The following DPP10 variants were observed in gnomAD, a reference collection of about 807,000 sequenced individuals.
DPP10 encodes inactive dipeptidyl peptidase 10.
Under a neutral mutation model 120.9 loss-of-function variants are expected in DPP10, and 33 were observed. That is an observed-to-expected ratio of 0.27 (90% confidence interval 0.21 to 0.37). DPP10 has a LOEUF of 0.37. DPP10 is among the 10% of genes least tolerant of loss of function. The pLI is 1.00. For missense variants in DPP10, 816 were observed against 942.8 expected, an observed-to-expected ratio of 0.87 and a Z score of 1.76; for synonymous variants, 337 against 326.1, an observed-to-expected ratio of 1.03 and a Z score of -0.36.
chr2:114,560,205 T>G (rs1367263994), intron 1 of DPP10, among the ~76,000 whole-genome samples: 6 of 152,186 alleles, frequency 3.9e-5, no homozygotes. Flanking sequence ...AACCATGGAC[T>G]GCCCTGTGGG....
At chr2:114,763,048 G>A (rs1223600002) in intron 1 of DPP10, among the ~76,000 whole-genome samples, 2 of 152,164 alleles carry the variant, frequency 1.3e-5, no homozygotes, top group Non-Finnish European at 2.9e-5. Flanking sequence ...GTCCTCAGAT[G>A]AGACTTTCTA....
intron 1 of DPP10, among the ~76,000 whole-genome samples, chr2:115,134,144 T>C (rs1303763776): frequency 6.6e-6 from 1 of 152,200 alleles, no homozygotes; most frequent in Admixed American, 6.5e-5. Flanking sequence ...AGGAAAAAGA[T>C]CTTTTATGAG....
intron 3 of DPP10, among the ~76,000 whole-genome samples, chr2:115,422,887 T>A (rs2070108907): frequency 6.6e-6 from 1 of 152,134 alleles, no homozygotes; most frequent in Non-Finnish European, 1.5e-5. Context: ...GATTTCATTT[T>A]ATCCCTCAGT....
At chr2:114,829,009 C>A (rs1054402835) in intron 1 of DPP10, 3 of 152,152 alleles carry the variant, frequency 2.0e-5, no homozygotes, top group East Asian at 1.9e-4. Context: ...AGTTACTAGG[C>A]CAGGTGCGGT....
At chr2:115,647,820 T>C (rs2087401233) in intron 5 of DPP10, among the ~76,000 whole-genome samples, 1 of 152,070 alleles carries the variant, frequency 6.6e-6, no homozygotes, top group Non-Finnish European at 1.5e-5. Context: ...CTTAATTCCA[T>C]TCATGAGGCA....
intron 1 of DPP10, chr2:115,066,702 A>G (rs1706870263): frequency 6.6e-6 from 1 of 152,336 alleles, no homozygotes; most frequent in Middle Eastern, 3.4e-3. Flanking sequence ...ATTAGGCATT[A>G]AAAGGATGAA....
chr2:115,467,370 G>C (rs1204549895), intron 3 of DPP10, among the ~76,000 whole-genome samples: 1 of 151,902 alleles, frequency 6.6e-6, no homozygotes, highest in Non-Finnish European at 1.5e-5. Flanking sequence ...GACCAGCCTG[G>C]TCAAGAGACC....
intron 1 of DPP10, among the ~76,000 whole-genome samples, chr2:114,813,068 C>A (rs2106328657): frequency 6.6e-6 from 1 of 152,290 alleles, no homozygotes; most frequent in East Asian, 1.9e-4. Flanking sequence ...ATACAGGAAG[C>A]TCCTCATCTT....
chr2:114,486,700 C>T (rs1681548381), intron 1 of DPP10, among the ~76,000 whole-genome samples: 2 of 151,886 alleles, frequency 1.3e-5, no homozygotes, highest in Admixed American at 6.6e-5. Flanking sequence ...TTTTTCTTTT[C>T]AGTGAAACTA....
At chr2:115,555,110 G>T (rs2080124791) in intron 5 of DPP10, among the ~76,000 whole-genome samples, 1 of 151,880 alleles carries the variant, frequency 6.6e-6, no homozygotes. Context: ...CTCTTACTTT[G>T]GTATCTGATG....
At position 114,642,433 on chromosome 2, in the gene DPP10, T is replaced by A. The variant is rs142632438; in HGVS notation, c.60+199595T>A. ...TTTCTCTAGAGTGCACTACCCCCAA[T>A]GAGTTGACAAAATTAAACAAAAACT... On this transcript the variant is annotated intron_variant, in intron 1 of 25. Transcript: ENST00000410059. Among the ~76,000 whole-genome samples, 649 of 152,016 alleles carry A rather than the reference T, an allele frequency of 4.3e-3. 22 individuals carry two copies. The highest frequency in any genetic ancestry group is 0.015 in the African/African-American group (617 of 41,282).
At chr2:114,834,263 A>ATCTACACACCTATGTTTATGTAAGCCATG (rs1558790101) in intron 1 of DPP10, among the ~76,000 whole-genome samples, 1,084 of 105,680 alleles carry the variant, frequency 0.01, 11 homozygotes, top group Middle Eastern at 0.018. Context: ...TATAAGACAT[A>ATCTACACACCTATGTTTATGTAAGCCATG]TCTACACACC....
At chr2:115,325,059 C>A (rs886535352) in intron 2 of DPP10, among the ~76,000 whole-genome samples, 2 of 151,812 alleles carry the variant, frequency 1.3e-5, no homozygotes, top group East Asian at 3.9e-4. Flanking sequence ...GATCACAGAT[C>A]ACCGTAACAG....
intron 1 of DPP10, among the ~76,000 whole-genome samples, chr2:114,965,230 G>A (rs1207804548): frequency 6.6e-6 from 1 of 151,972 alleles, no homozygotes; most frequent in Admixed American, 6.6e-5. Context: ...TCTGCCTCCC[G>A]GGTTCAAGTG....
intron 1 of DPP10, among the ~76,000 whole-genome samples, chr2:114,796,989 T>C (rs1241750108): frequency 1.3e-5 from 2 of 152,146 alleles, no homozygotes; most frequent in Non-Finnish European, 2.9e-5. Context: ...AGAACTCTAC[T>C]TGAAGAGCTA....
intron 1 of DPP10, among the ~76,000 whole-genome samples, chr2:115,109,705 T>C (rs1573646943): frequency 6.6e-6 from 1 of 152,310 alleles, no homozygotes; most frequent in African/African-American, 2.4e-5. Context: ...TGGCTCTCAA[T>C]TGGAGGTGAT....
At chr2:114,468,432 A>G (rs564930047) in intron 1 of DPP10, among the ~76,000 whole-genome samples, 1 of 151,538 alleles carries the variant, frequency 6.6e-6, no homozygotes, top group Admixed American at 6.6e-5. Context: ...TTACAGGATA[A>G]AAGATGAAAG....
chr2:115,350,833 C>T (rs1219376990), intron 3 of DPP10, among the ~76,000 whole-genome samples: 1 of 151,954 alleles, frequency 6.6e-6, no homozygotes, highest in Non-Finnish European at 1.5e-5. Context: ...CTAAATAGTA[C>T]CCTAGCCCCC....
intron 24 of DPP10, among the ~76,000 whole-genome samples, chr2:115,840,090 G>A (rs2150132840): frequency 6.6e-6 from 1 of 151,640 alleles, no homozygotes; most frequent in African/African-American, 2.4e-5. Context: ...AAAGACATTT[G>A]CCATATTAAA....
Sources: gnomAD v4.1 joint callset for allele counts (sites outside exome capture counted in the v4.1 genomes callset) on GRCh38, gnomAD v4.1.1 for gene constraint, MANE v1.5 for transcripts, NCBI Gene and HGNC (gene_info 2026-07-23, HGNC 2026-07-21) for gene names.